AGPAT4: variants seen among roughly 807,000 people sequenced by gnomAD.
AGPAT4 encodes 1-acyl-sn-glycerol-3-phosphate acyltransferase delta.
AGPAT4 carries 15 observed loss-of-function variants against 48.0 expected under a neutral mutation model. That is an observed-to-expected ratio of 0.31 (90% CI 0.21 to 0.48). AGPAT4 has a LOEUF of 0.48. Ranked by LOEUF, AGPAT4 falls within the 20% of genes least tolerant of loss-of-function variation. The probability of loss-of-function intolerance (pLI) is 0.99; values close to 1 mark genes in which losing one functional copy is unlikely to be tolerated. For synonymous variants in AGPAT4, 178 were observed against 198.7 expected, an observed-to-expected ratio of 0.90 and a Z score of 0.88; for missense variants, 314 against 482.5, an observed-to-expected ratio of 0.65 and a Z score of 3.27.
At chr6:161,174,096 T>C (rs1474379383) in intron 2 of AGPAT4, among the ~76,000 whole-genome samples, 1 of 152,220 alleles carries the variant, frequency 6.6e-6, no homozygotes, top group African/African-American at 2.4e-5. Context: ...TCCAGCTTTG[T>C]TCTTTCAGCC....
At chr6:161,205,151 A>C (rs1463400247) in intron 2 of AGPAT4, among the ~76,000 whole-genome samples, 1 of 152,086 alleles carries the variant, frequency 6.6e-6, no homozygotes, top group East Asian at 1.9e-4. Context: ...GGCACGACTG[A>C]TCCTAAAATG....
In AGPAT4 at chr6:161,144,100, T is replaced by A. The variant is rs1212793534; in HGVS notation, c.843+2424A>T. 5 of 532,076 alleles carry A rather than the reference T, an allele frequency of 9.4e-6. No individual in the cohort carries two copies. The highest frequency in any genetic ancestry group is 7.8e-5 in the Admixed American group (4 of 51,484). 33.0% of individuals were successfully genotyped at this position (532,076 alleles called of 1,614,324 possible). A position where few individuals can be genotyped will look rare whatever the true frequency, so the allele number is the denominator to read the frequency against. The stretch of plus-strand genomic sequence containing the variant: ...GATCTAGGCTCCTAGCAAAATAGGC[T>A]GATACAGAAAGGAATTGTCCCTTGA... On this transcript the variant is annotated intron_variant, in intron 7 of 8. Coordinates refer to ENST00000320285, the MANE Select transcript of AGPAT4 (RefSeq NM_020133.3). This position sits in a 1 kb window ranked among gnomAD's most constrained non-coding sequence, Gnocchi z 6.6.
In AGPAT4 at chr6:161,225,760, CAG is replaced by C. The variant is rs1193857892; in HGVS notation, c.178+6274_178+6275del. On this transcript the variant is annotated intron_variant, in intron 2 of 8. Transcript: ENST00000320285. This position sits in a 1 kb window ranked among gnomAD's most constrained non-coding sequence, Gnocchi z 5.0. ...AGAAGTAAAAGGTACCCGCAGGTGA[CAG>C]AGGAAAAAGAGGAAAAGGTTGTCCC... 6.6e-6 allele frequency among the ~76,000 whole-genome samples: 1 copy of C among 152,110 alleles called. No individual in the cohort carries two copies. Among genetic ancestry groups the C allele is most frequent in the East Asian group, 1.9e-4 (1 of 5,182 alleles).
At position 161,222,745 on chromosome 6, in the gene AGPAT4, T is replaced by C. The variant is rs1015126031; in HGVS notation, c.178+9291A>G. On this transcript the variant is annotated intron_variant, in intron 2 of 8. Transcript: ENST00000320285. The surrounding 1 kb of genome is among the most constrained non-coding windows in gnomAD (Gnocchi z 5.9). ...TAGTGAGAGGGTCAATGGCTGCAAG[T>C]TGCTGCTAGGCGCTACTGTATGCCT... Among the ~76,000 whole-genome samples the C allele has an allele frequency of 1.3e-5, 2 of 152,182 alleles. No homozygotes were observed. The highest frequency in any genetic ancestry group is 2.9e-5 in the Non-Finnish European group (2 of 68,018).
At position 161,148,299 on chromosome 6, in the gene AGPAT4, C is replaced by G. The variant is rs749012; in HGVS notation, c.767+888G>C. Among the ~76,000 whole-genome samples the G allele has an allele frequency of 2.0e-5, 3 of 152,186 alleles. No homozygotes were observed. Among genetic ancestry groups the G allele is most frequent in the African/African-American group, 7.2e-5 (3 of 41,446 alleles). On this transcript the variant is annotated intron_variant, in intron 6 of 8. Transcript: ENST00000320285. This position sits in a 1 kb window ranked among gnomAD's most constrained non-coding sequence, Gnocchi z 5.5. Reference sequence around the variant, plus strand: ...AGTCAGTGATGATGACGATGCTGTCCTATTTTCATGGGAAAGCCAGAGTCA... The same window carrying G: ...AGTCAGTGATGATGACGATGCTGTCGTATTTTCATGGGAAAGCCAGAGTCA...
At position 161,198,650 on chromosome 6, in the gene AGPAT4, C is replaced by T. The variant is rs1347923971; in HGVS notation, c.179-32233G>A. ...GACTTTGGACATGCTATTTAACCTG[C>T]TGTGCCTCGGTTTCCTCATCTGTCA... On this transcript the variant is annotated intron_variant, in intron 2 of 8. Coordinates refer to ENST00000320285, the MANE Select transcript of AGPAT4 (RefSeq NM_020133.3). The surrounding 1 kb of genome is among the most constrained non-coding windows in gnomAD (Gnocchi z 4.3). Among the ~76,000 whole-genome samples, 1 of 152,208 alleles carries T rather than the reference C, an allele frequency of 6.6e-6. No homozygotes were observed. Among genetic ancestry groups the T allele is most frequent in the East Asian group, 1.9e-4 (1 of 5,204 alleles).
rs995382291 is a variant in AGPAT4 at position 161,221,255 on chromosome 6, C to T, written c.178+10781G>A. Among the ~76,000 whole-genome samples, 13 of 152,210 alleles carry T rather than the reference C, an allele frequency of 8.5e-5. No individual in the cohort carries two copies. The highest frequency in any genetic ancestry group is 3.1e-4 in the African/African-American group (13 of 41,522). On this transcript the variant is annotated intron_variant, in intron 2 of 8. Transcript: ENST00000320285. This position sits in a 1 kb window ranked among gnomAD's most constrained non-coding sequence, Gnocchi z 4.5. ...CTAGATCTGAGTGGGGCAACTGGCCCCAGATGAGGTTCCTACACAGTTTAT... is the reference window on the plus strand; with the variant it reads ...CTAGATCTGAGTGGGGCAACTGGCCTCAGATGAGGTTCCTACACAGTTTAT...
In AGPAT4 at chr6:161,144,133, T is replaced by C; in HGVS notation, c.843+2391A>G. 1.9e-6 allele frequency: 1 copy of C among 533,436 alleles called. No homozygotes were observed. The highest frequency in any genetic ancestry group is 3.8e-6 in the Non-Finnish European group (1 of 259,952). 33.0% of individuals were successfully genotyped at this position (533,436 alleles called of 1,614,324 possible). A position where few individuals can be genotyped will look rare whatever the true frequency, so the allele number is the denominator to read the frequency against. On this transcript the variant is annotated intron_variant, in intron 7 of 8. Transcript: ENST00000320285. This position sits in a 1 kb window ranked among gnomAD's most constrained non-coding sequence, Gnocchi z 6.6. ...AAAGGAATTGTCCCTTGATGTCTAT[T>C]CACCACTCTGCTTGGAGAAACCATG...
At position 161,258,173 on chromosome 6, in the gene AGPAT4, G is replaced by A. The variant is rs188806015; in HGVS notation, c.-90+15765C>T. Among the ~76,000 whole-genome samples the A allele has an allele frequency of 7.2e-5, 11 of 152,176 alleles. No homozygotes were observed. The East Asian group carries it at 1.5e-3, about 21-fold the overall frequency. On this transcript the variant is annotated intron_variant, in intron 1 of 8. Coordinates refer to ENST00000320285, the MANE Select transcript of AGPAT4 (RefSeq NM_020133.3). ...TCTTATGACACTTTTTTTCCTCCATGAGACCTCAAAGACTGAGAGTGGCAG... is the reference window on the plus strand; with the variant it reads ...TCTTATGACACTTTTTTTCCTCCATAAGACCTCAAAGACTGAGAGTGGCAG...
At chr6:161,170,473 GCACACACACA>G (rs3839450) in intron 2 of AGPAT4, among the ~76,000 whole-genome samples, 11 of 32,576 alleles carry the variant, frequency 3.4e-4, no homozygotes, top group Admixed American at 7.8e-4. Flanking sequence ...GTGCGCGCGC[GCACACACACA>G]CACACACACA....
rs967865361 is a variant in AGPAT4, at chr6:161,214,185, C to T, written c.178+17851G>A. 3.9e-5 allele frequency among the ~76,000 whole-genome samples: 6 copies of T among 152,152 alleles called. No individual in the cohort carries two copies. The highest frequency in any genetic ancestry group is 7.3e-5 in the Non-Finnish European group (5 of 68,034). On this transcript the variant is annotated intron_variant, in intron 2 of 8. Transcript: ENST00000320285. The surrounding 1 kb of genome is among the most constrained non-coding windows in gnomAD (Gnocchi z 5.4). The stretch of plus-strand genomic sequence containing the variant: ...TTCGAGTTGTCCTGCCTTTCCAGAC[C>T]AAACCAATGTTCATGTTACATCTGT...
intron 1 of AGPAT4, among the ~76,000 whole-genome samples, chr6:161,273,278 G>C (rs899203040): frequency 6.6e-6 from 1 of 152,014 alleles, no homozygotes; most frequent in African/African-American, 2.4e-5. Context: ...AAATAGAGAG[G>C]TAATTACCAA....
At chr6:161,241,664 A>G (rs1206005013) in intron 1 of AGPAT4, among the ~76,000 whole-genome samples, 2 of 152,240 alleles carry the variant, frequency 1.3e-5, no homozygotes, top group Non-Finnish European at 2.9e-5. Context: ...CATGAGAAGT[A>G]AGGCAGAAGG....
rs187943064 is a variant in AGPAT4, at chr6:161,148,832, T to C, written c.767+355A>G. 2.1e-3 allele frequency among the ~76,000 whole-genome samples: 320 copies of C among 152,362 alleles called. 1 individual carries two copies. The highest frequency in any genetic ancestry group is 7.2e-3 in the African/African-American group (300 of 41,592). ...CTGCATTTGTGTCTAGACCGCCTTA[T>C]ATAAATACACATCTGTGTGTATTCC... On this transcript the variant is annotated intron_variant, in intron 6 of 8. Transcript: ENST00000320285. This position sits in a 1 kb window ranked among gnomAD's most constrained non-coding sequence, Gnocchi z 5.5.
rs1260442663 is a variant in AGPAT4 at position 161,141,086 on chromosome 6, G to A, written c.844-1466C>T. Among the ~76,000 whole-genome samples, 1 of 152,050 alleles carries A rather than the reference G, an allele frequency of 6.6e-6. No individual in the cohort carries two copies. On this transcript the variant is annotated intron_variant, in intron 7 of 8. Transcript: ENST00000320285. This position sits in a 1 kb window ranked among gnomAD's most constrained non-coding sequence, Gnocchi z 6.7. The stretch of plus-strand genomic sequence containing the variant: ...TCTTCTTTTTCATTCAGGGTGTACT[G>A]AATCATAGGCTTTCTTGGCCTCTCA...
In AGPAT4 at chr6:161,234,527, C is replaced by G. The variant is rs1166034250; in HGVS notation, c.-89-2225G>C. Among the ~76,000 whole-genome samples, 1 of 152,198 alleles carries G rather than the reference C, an allele frequency of 6.6e-6. No individual in the cohort carries two copies. The highest frequency in any genetic ancestry group is 2.4e-5 in the African/African-American group (1 of 41,442). ...CTCCCACTGAGGAATAGGCGTTAAGCTGGCAGCCCCCGCTCAGTGCACTTG... is the reference window on the plus strand; with the variant it reads ...CTCCCACTGAGGAATAGGCGTTAAGGTGGCAGCCCCCGCTCAGTGCACTTG... On this transcript the variant is annotated intron_variant, in intron 1 of 8. Coordinates refer to ENST00000320285, the MANE Select transcript of AGPAT4 (RefSeq NM_020133.3). This position sits in a 1 kb window ranked among gnomAD's most constrained non-coding sequence, Gnocchi z 4.4.
intron 2 of AGPAT4, among the ~76,000 whole-genome samples, chr6:161,186,474 G>A (rs1324500066): frequency 6.6e-6 from 1 of 152,044 alleles, no homozygotes; most frequent in African/African-American, 2.4e-5. Context: ...GCCGTCACTG[G>A]TTCTGTCCGC....
rs555618111 is a variant in AGPAT4, at chr6:161,222,796, G to T, written c.178+9240C>A. Among the ~76,000 whole-genome samples, 6 of 152,272 alleles carry T rather than the reference G, an allele frequency of 3.9e-5. No individual in the cohort carries two copies. The East Asian group carries it at 1.2e-3, about 29-fold the overall frequency. ...GCCTGCTCTCCTGCAGGTGTCTGTG[G>T]ATGCTTCCTCTGGCCTCATTCATTT... On this transcript the variant is annotated intron_variant, in intron 2 of 8. Coordinates refer to ENST00000320285, the MANE Select transcript of AGPAT4 (RefSeq NM_020133.3). The surrounding 1 kb of genome is among the most constrained non-coding windows in gnomAD (Gnocchi z 5.9).
rs573974540 is a variant in AGPAT4, at chr6:161,133,378, G to A, written c.*3162C>T. On this transcript the variant is annotated 3_prime_UTR_variant, in exon 9 of 9. Transcript: ENST00000320285. The stretch of plus-strand genomic sequence containing the variant: ...CTTTTACAAAGCTTTGCATGCATTT[G>A]TTTAGAGGATATTGCAGTCGAGATA... 6.4e-4 allele frequency: 97 copies of A among 152,274 alleles called. No homozygotes were observed. The highest frequency in any genetic ancestry group is 2.1e-3 in the African/African-American group (88 of 41,560). The allele number at this position is 152,274 out of a possible 1,614,324, so 9.4% of individuals were successfully genotyped here. A position where few individuals can be genotyped will look rare whatever the true frequency, so the allele number is the denominator to read the frequency against.
Sources: allele counts gnomAD v4.1 joint callset (sites outside exome capture counted in the v4.1 genomes callset), GRCh38; gene constraint gnomAD v4.1.1; non-coding constraint Gnocchi (gnomAD v3.1); transcripts MANE v1.5; gene names NCBI Gene and HGNC (gene_info 2026-07-23, HGNC 2026-07-21).